The following ZNF521 variants were observed in gnomAD, a reference collection of about 807,000 sequenced individuals.
ZNF521 encodes zinc finger protein 521.
Under a neutral mutation model 105.5 loss-of-function variants are expected in ZNF521, and 14 were observed. The ratio of observed to expected loss-of-function variants is 0.13; its 90% CI spans 0.09 to 0.21. ZNF521 has a LOEUF of 0.21. ZNF521 is among the 10% of genes least tolerant of loss of function. The probability of loss-of-function intolerance (pLI) is 1.00; values close to 1 mark genes in which losing one functional copy is unlikely to be tolerated. For synonymous variants in ZNF521, 635 were observed against 606.0 expected (o/e 1.05, Z -0.70); for missense variants, 1,233 against 1,629.7 (o/e 0.76, Z 4.19).
chr18:25,339,888 C>G (rs1296547423), intron 2 of ZNF521, among the ~76,000 whole-genome samples: 1 of 152,216 alleles, frequency 6.6e-6, no homozygotes, highest in African/African-American at 2.4e-5. Context: ...TTTATCATTA[C>G]AACACCGACT....
intron 7 of ZNF521, among the ~76,000 whole-genome samples, chr18:25,087,637 G>C (rs1488438883): frequency 6.6e-6 from 1 of 152,128 alleles, no homozygotes; most frequent in East Asian, 1.9e-4. Flanking sequence ...AAATCAAAAT[G>C]ACTTATGCTT....
In ZNF521 at chr18:25,224,748, C is replaced by T. The variant is rs777216555; in HGVS notation, c.3170G>A (p.Arg1057Gln). ...GNGSAVQTTG[R>Q]GQHVQKLYKC... is the part of the protein sequence containing the mutation. The stretch of plus-strand genomic sequence containing the variant: ...ATACAGTTTTTGGACGTGCTGGCCC[C>T]GCCCTGTGGTCTGAACTGCAGACCC... The change falls in exon 4 of 8, where the codon CGG (arginine) becomes CAG (glutamine). Residue 1057 changes from arginine to glutamine, a missense_variant. Coordinates refer to ENST00000361524, the MANE Select transcript of ZNF521 (RefSeq NM_015461.3). The T allele has an allele frequency of 4.1e-5, 66 of 1,613,852 alleles. No homozygotes were observed. Among genetic ancestry groups the T allele is most frequent in the Non-Finnish European group, 5.1e-5 (60 of 1,180,006 alleles).
At chr18:25,269,023 TC>T (rs1194781013) in intron 3 of ZNF521, among the ~76,000 whole-genome samples, 1 of 148,128 alleles carries the variant, frequency 6.8e-6, no homozygotes, top group Non-Finnish European at 1.5e-5. Flanking sequence ...GTGTGCTGTA[TC>T]CAGGAGACTC....
At chr18:25,253,019 T>C (rs530837596) in intron 3 of ZNF521, among the ~76,000 whole-genome samples, 17 of 152,302 alleles carry the variant, frequency 1.1e-4, no homozygotes, top group African/African-American at 4.1e-4. Flanking sequence ...ACCATTCAAC[T>C]GAGAATACAG....
chr18:25,302,041 C>T (rs1281789951), intron 3 of ZNF521: 1 of 152,152 alleles, frequency 6.6e-6, no homozygotes, highest in African/African-American at 2.4e-5. Flanking sequence ...CAATGAGTCT[C>T]AATTTCCCTT....
Position 25,352,165 on chromosome 18 carries a change from G to T in ZNF521, c.-162C>A, listed in dbSNP as rs759158367. On this transcript the variant is annotated 5_prime_UTR_variant, in exon 1 of 8. Transcript: ENST00000361524. ...TGAGGAAATCATTGTCAGCCTGCCT[G>T]CACTCACACACAGACAGAGGGGCAT... 2.7e-6 allele frequency: 1 copy of T among 374,982 alleles called. No individual in the cohort carries two copies. Among genetic ancestry groups the T allele is most frequent in the Non-Finnish European group, 5.6e-6 (1 of 179,964 alleles). The allele number at this position is 374,982 out of a possible 1,614,324, so 23.2% of individuals were successfully genotyped here.
At chr18:25,100,013 G>A (rs1267087000) in intron 5 of ZNF521, among the ~76,000 whole-genome samples, 4 of 152,090 alleles carry the variant, frequency 2.6e-5, no homozygotes, top group African/African-American at 7.2e-5. Context: ...TGCTGGACAC[G>A]GCACTCATCA....
At position 25,265,951 on chromosome 18, in the gene ZNF521, G is replaced by A. The variant is rs182525070; in HGVS notation, c.221-38254C>T. Reference sequence around the variant, plus strand: ...AGCCAGGCACAGAAAGACAAACATCGCGTCTTCTCACTTACTGGTAGAAAC... The same window carrying A: ...AGCCAGGCACAGAAAGACAAACATCACGTCTTCTCACTTACTGGTAGAAAC... On this transcript the variant is annotated intron_variant, in intron 3 of 7. Transcript: ENST00000361524. Among the ~76,000 whole-genome samples, 415 of 152,194 alleles carry A rather than the reference G, an allele frequency of 2.7e-3. 1 individual carries two copies. Among genetic ancestry groups the A allele is most frequent in the Non-Finnish European group, 4.3e-3 (295 of 68,010 alleles).
At chr18:25,242,540 T>G (rs1441246780) in intron 3 of ZNF521, among the ~76,000 whole-genome samples, 1 of 152,230 alleles carries the variant, frequency 6.6e-6, no homozygotes, top group Non-Finnish European at 1.5e-5. Flanking sequence ...TATTATTTTT[T>G]CTTGCACAAT....
chr18:25,171,264 C>A (rs2035444451), intron 5 of ZNF521, among the ~76,000 whole-genome samples: 1 of 152,140 alleles, frequency 6.6e-6, no homozygotes, highest in Admixed American at 6.5e-5. Flanking sequence ...CTCTCAATAG[C>A]AGTTAAGCTT....
At chr18:25,313,398 C>G (rs996070347) in intron 3 of ZNF521, among the ~76,000 whole-genome samples, 2 of 151,676 alleles carry the variant, frequency 1.3e-5, no homozygotes, top group Non-Finnish European at 2.9e-5. Context: ...AACAGCAAAT[C>G]TGGCCCTTTC....
At chr18:25,136,073 T>A (rs2034728087) in intron 5 of ZNF521, among the ~76,000 whole-genome samples, 1 of 152,148 alleles carries the variant, frequency 6.6e-6, no homozygotes, top group Non-Finnish European at 1.5e-5. Flanking sequence ...ATCAATAAGC[T>A]ATTTTGTTAA....
At chr18:25,324,241 A>T (rs1233391625) in intron 2 of ZNF521, among the ~76,000 whole-genome samples, 1 of 152,184 alleles carries the variant, frequency 6.6e-6, no homozygotes, top group Non-Finnish European at 1.5e-5. Context: ...GACTACCTTT[A>T]AAAGTCCTTT....
At chr18:25,183,981 G>C (rs2035676723) in intron 5 of ZNF521, among the ~76,000 whole-genome samples, 1 of 152,032 alleles carries the variant, frequency 6.6e-6, no homozygotes, top group Non-Finnish European at 1.5e-5. Flanking sequence ...AACAGATAGG[G>C]GATGGTATAT....
chr18:25,240,002 C>G (rs1600198698), intron 3 of ZNF521, among the ~76,000 whole-genome samples: 1 of 152,092 alleles, frequency 6.6e-6, no homozygotes, highest in Non-Finnish European at 1.5e-5. Flanking sequence ...ACACACATCT[C>G]TTCAGGCTGA....
At chr18:25,212,165 T>C (rs1032342732) in intron 4 of ZNF521, among the ~76,000 whole-genome samples, 9 of 152,102 alleles carry the variant, frequency 5.9e-5, no homozygotes, top group African/African-American at 2.2e-4. Context: ...TTCATTCTTC[T>C]ATACATGTTT....
At chr18:25,218,085 A>C (rs1905447310) in intron 4 of ZNF521, among the ~76,000 whole-genome samples, 1 of 152,232 alleles carries the variant, frequency 6.6e-6, no homozygotes. Flanking sequence ...AAGAAGGGAA[A>C]GCCGAAACCT....
chr18:25,125,286 T>C (rs2034517991), intron 5 of ZNF521, among the ~76,000 whole-genome samples: 1 of 152,156 alleles, frequency 6.6e-6, no homozygotes, highest in African/African-American at 2.4e-5. Flanking sequence ...AATTTATTGA[T>C]TGAATGAAAT....
At chr18:25,269,119 A>G (rs536392743) in intron 3 of ZNF521, among the ~76,000 whole-genome samples, 45 of 152,046 alleles carry the variant, frequency 3.0e-4, no homozygotes, top group Non-Finnish European at 4.6e-4. Context: ...AAAAAAAAAA[A>G]AAAAGCAGGG....
Sources: gnomAD v4.1 joint callset for allele counts (sites outside exome capture counted in the v4.1 genomes callset) on GRCh38, gnomAD v4.1.1 for gene constraint, MANE v1.5 for transcripts, NCBI Gene and HGNC (gene_info 2026-07-23, HGNC 2026-07-21) for gene names.